Variants in SAMD12 observed in about 807,000 individuals in gnomAD.
SAMD12 encodes sterile alpha motif domain containing 12.
A neutral mutation model predicts 15.0 loss-of-function variants in SAMD12; 9 were observed. The observed-to-expected ratio is 0.60, with a 90% CI of 0.36 to 1.05. The LOEUF is 1.05. SAMD12 is among the 50% of genes least tolerant of loss of function. The pLI is 0.01. For missense variants in SAMD12, 230 were observed against 234.2 expected (o/e 0.98, Z 0.12); for synonymous variants, 86 against 90.1 (o/e 0.96, Z 0.25).
At chr8:118,580,324 C>T (rs1827260470) in intron 2 of SAMD12, among the ~76,000 whole-genome samples, 2 of 152,138 alleles carry the variant, frequency 1.3e-5, no homozygotes, top group Non-Finnish European at 2.9e-5. Context: ...ATCGTTTGAT[C>T]TGCTCAACCT....
chr8:118,266,955 C>G (rs890264802), intron 4 of SAMD12, among the ~76,000 whole-genome samples: 3 of 151,990 alleles, frequency 2.0e-5, no homozygotes, highest in Non-Finnish European at 4.4e-5. Flanking sequence ...ACATTGCATC[C>G]TTGGGAATTG....
At chr8:118,578,130 T>C (rs576768641) in intron 2 of SAMD12, among the ~76,000 whole-genome samples, 1 of 152,298 alleles carries the variant, frequency 6.6e-6, no homozygotes, top group East Asian at 1.9e-4. Context: ...ATATCTACTA[T>C]GTCATAACCT....
intron 2 of SAMD12, among the ~76,000 whole-genome samples, chr8:118,513,087 C>T (rs1825133353): frequency 6.6e-6 from 1 of 151,878 alleles, no homozygotes; most frequent in Non-Finnish European, 1.5e-5. Context: ...CAGGGATCAT[C>T]TTTATTTTTC....
intron 2 of SAMD12, among the ~76,000 whole-genome samples, chr8:118,501,944 T>TG (rs1563897439): frequency 6.7e-6 from 1 of 149,948 alleles, no homozygotes; most frequent in Non-Finnish European, 1.5e-5. Context: ...ACGAACCCGT[T>TG]GGGGGGCGGA....
intron 4 of SAMD12, among the ~76,000 whole-genome samples, chr8:118,274,709 G>A (rs1470935375): frequency 6.6e-6 from 1 of 152,032 alleles, no homozygotes; most frequent in African/African-American, 2.4e-5. Context: ...CATATAAATG[G>A]AATGTTACAG....
chr8:118,602,905 T>C (rs960217613), intron 1 of SAMD12, among the ~76,000 whole-genome samples: 5 of 152,050 alleles, frequency 3.3e-5, no homozygotes, highest in African/African-American at 4.8e-5. Flanking sequence ...AAGAAAGAAC[T>C]ATGAAGAGAG....
intron 4 of SAMD12, among the ~76,000 whole-genome samples, chr8:118,207,261 T>C (rs1586342733): frequency 6.6e-6 from 1 of 152,218 alleles, no homozygotes; most frequent in Non-Finnish European, 1.5e-5. Flanking sequence ...TGGACTATCA[T>C]CTTGTACCAC....
At chr8:118,558,004 C>A (rs188718058) in intron 2 of SAMD12, among the ~76,000 whole-genome samples, 4 of 152,174 alleles carry the variant, frequency 2.6e-5, no homozygotes, top group African/African-American at 9.6e-5. Flanking sequence ...ATAAAACAAT[C>A]CACTTATCTG....
At chr8:118,210,613 G>A (rs1819993503) in intron 4 of SAMD12, among the ~76,000 whole-genome samples, 1 of 152,138 alleles carries the variant, frequency 6.6e-6, no homozygotes, top group Non-Finnish European at 1.5e-5. Flanking sequence ...AAAACAACTT[G>A]ACCTAATATT....
At chr8:118,412,409 G>A (rs941196904) in intron 3 of SAMD12, among the ~76,000 whole-genome samples, 76 of 152,276 alleles carry the variant, frequency 5.0e-4, no homozygotes, top group Middle Eastern at 6.8e-3. Context: ...AGGGTCTTCC[G>A]AGGAGCTAAG....
At chr8:118,283,089 C>T (rs1016164576) in intron 4 of SAMD12, among the ~76,000 whole-genome samples, 5 of 152,034 alleles carry the variant, frequency 3.3e-5, no homozygotes, top group Non-Finnish European at 7.4e-5. Context: ...GACCAGGACT[C>T]ACCGAGGAAA....
At chr8:118,432,129 G>C (rs7838464) in intron 3 of SAMD12, among the ~76,000 whole-genome samples, 88,554 of 151,842 alleles carry the variant, frequency 0.58, 26,740 homozygotes, top group Admixed American at 0.66. Flanking sequence ...TGTTACATTA[G>C]TCATCTGTTC....
chr8:118,427,959 T>C (rs1427362496), intron 3 of SAMD12, among the ~76,000 whole-genome samples: 3 of 152,206 alleles, frequency 2.0e-5, no homozygotes, highest in Non-Finnish European at 4.4e-5. Flanking sequence ...GTATGGGAAT[T>C]TAAGCCATTC....
exon 5 of SAMD12, chr8:118,192,324 G>C (rs975319794): frequency 6.6e-6 from 1 of 152,168 alleles, no homozygotes; most frequent in African/African-American, 2.4e-5. Flanking sequence ...CTGTGCTAAT[G>C]TGGCAAAAGC....
At chr8:118,329,966 G>A (rs923390593) in intron 4 of SAMD12, among the ~76,000 whole-genome samples, 1 of 152,092 alleles carries the variant, frequency 6.6e-6, no homozygotes, top group Non-Finnish European at 1.5e-5. Context: ...GAGATGGAGG[G>A]GTAAGGGCAG....
rs191212732 is a variant in SAMD12 at position 118,601,234 on chromosome 8, A to G, written c.14-20341T>C. ...TAAAAGATTAATTTAAAATGTAGGGAAATGTTACTATATTGCATTTTTTAA... is the reference window on the plus strand; with the variant it reads ...TAAAAGATTAATTTAAAATGTAGGGGAATGTTACTATATTGCATTTTTTAA... On this transcript the variant is annotated intron_variant, in intron 1 of 3. Transcript: ENST00000314727. 4.0e-3 allele frequency among the ~76,000 whole-genome samples: 613 copies of G among 152,300 alleles called. 8 individuals carry two copies. Among genetic ancestry groups the G allele is most frequent in the African/African-American group, 0.013 (560 of 41,560 alleles).
At chr8:118,437,154 T>C (rs947126990) in intron 3 of SAMD12, among the ~76,000 whole-genome samples, 12 of 152,190 alleles carry the variant, frequency 7.9e-5, no homozygotes, top group Admixed American at 2.6e-4. Flanking sequence ...TCTAGCATCA[T>C]AGGGCTGGTA....
At chr8:118,550,898 A>G (rs1826310610) in intron 2 of SAMD12, among the ~76,000 whole-genome samples, 1 of 150,164 alleles carries the variant, frequency 6.7e-6, no homozygotes, top group South Asian at 2.1e-4. Flanking sequence ...GATAAAACAG[A>G]CTTTAAACCA....
intron 2 of SAMD12, among the ~76,000 whole-genome samples, chr8:118,477,662 T>C (rs1440012824): frequency 6.6e-6 from 1 of 152,160 alleles, no homozygotes; most frequent in East Asian, 1.9e-4. Flanking sequence ...GAACAGGATA[T>C]GTACAGGGAC....
Sources: allele counts gnomAD v4.1 joint callset (sites outside exome capture counted in the v4.1 genomes callset), GRCh38; gene constraint gnomAD v4.1.1; transcripts MANE v1.5; gene names NCBI Gene and HGNC (gene_info 2026-07-23, HGNC 2026-07-21).